The following GRM8 variants were observed in gnomAD, a reference collection of about 807,000 sequenced individuals.
The protein encoded by GRM8 is glutamate metabotropic receptor 8.
Under a neutral mutation model 87.2 loss-of-function variants are expected in GRM8, and 47 were observed. The ratio of observed to expected loss-of-function variants is 0.54; its 90% CI spans 0.43 to 0.69. GRM8 has a LOEUF of 0.69. Among genes scored for constraint, GRM8 ranks in the 30% least tolerant of loss-of-function variants. The probability of loss-of-function intolerance (pLI) is 0.00; values close to 1 mark genes in which losing one functional copy is unlikely to be tolerated. For synonymous variants in GRM8, 396 were observed against 404.5 expected (o/e 0.98, Z 0.25); for missense variants, 1,019 against 1,139.2 (o/e 0.89, Z 1.52).
chr7:127,113,865 T>C (rs1452498003), intron 2 of GRM8, among the ~76,000 whole-genome samples: 1 of 152,208 alleles, frequency 6.6e-6, no homozygotes, highest in Non-Finnish European at 1.5e-5. Flanking sequence ...AAAACATCAG[T>C]ATATAATCAG....
intron 6 of GRM8, among the ~76,000 whole-genome samples, chr7:126,789,295 C>T (rs912695683): frequency 1.3e-5 from 2 of 148,468 alleles, no homozygotes; most frequent in African/African-American, 2.6e-5. Context: ...GAAAGAACAA[C>T]AAAGGCATTT....
At chr7:126,449,882 C>G (rs1293728135) in intron 9 of GRM8, among the ~76,000 whole-genome samples, 1 of 151,792 alleles carries the variant, frequency 6.6e-6, no homozygotes, top group Non-Finnish European at 1.5e-5. Context: ...TACTAACACC[C>G]AGAGGATGGG....
rs1018546389 is a variant in GRM8 at position 126,537,783 on chromosome 7, C to A, written c.1495-3896G>T. 2.2e-4 allele frequency among the ~76,000 whole-genome samples: 34 copies of A among 151,278 alleles called. 1 individual carries two copies. Among genetic ancestry groups the A allele is most frequent in the Middle Eastern group, 6.8e-3 (2 of 294 alleles). ...CAGAGCGAGACTCCGTCAAAAAAAA[C>A]AAACAAACAAACAAACAAAAAAAAC... On this transcript the variant is annotated intron_variant, in intron 8 of 10. Transcript: ENST00000339582.
At chr7:126,683,495 A>G (rs1177650179) in intron 7 of GRM8, among the ~76,000 whole-genome samples, 1 of 152,208 alleles carries the variant, frequency 6.6e-6, no homozygotes, top group Non-Finnish European at 1.5e-5. Flanking sequence ...AAAGTGCAAA[A>G]GTATTTCAGA....
intron 3 of GRM8, among the ~76,000 whole-genome samples, chr7:127,031,051 C>A (rs915964105): frequency 6.6e-6 from 1 of 152,090 alleles, no homozygotes; most frequent in African/African-American, 2.4e-5. Flanking sequence ...AGGTTTGGGG[C>A]ATTTGTTATA....
chr7:127,144,508 C>A (rs1828447847), intron 2 of GRM8, among the ~76,000 whole-genome samples: 1 of 151,998 alleles, frequency 6.6e-6, no homozygotes, highest in African/African-American at 2.4e-5. Context: ...TGTTTATTTA[C>A]TAAAAAGAGG....
At chr7:126,948,255 CAG>C (rs1807759440) in intron 3 of GRM8, among the ~76,000 whole-genome samples, 1 of 151,892 alleles carries the variant, frequency 6.6e-6, no homozygotes, top group Admixed American at 6.6e-5. Context: ...CATGAAGAGA[CAG>C]GGAATTTTTC....
intron 3 of GRM8, among the ~76,000 whole-genome samples, chr7:126,944,473 C>T (rs1807311267): frequency 6.6e-6 from 1 of 152,114 alleles, no homozygotes; most frequent in South Asian, 2.1e-4. Flanking sequence ...GATTGGGAAA[C>T]CCCCAACGCA....
At chr7:126,660,633 T>C (rs990682965) in intron 7 of GRM8, among the ~76,000 whole-genome samples, 2 of 152,238 alleles carry the variant, frequency 1.3e-5, no homozygotes, top group Non-Finnish European at 2.9e-5. Context: ...ATAAGTCTAC[T>C]ACAATATTAA....
chr7:127,116,037 G>T (rs2133154459), intron 2 of GRM8, among the ~76,000 whole-genome samples: 1 of 152,276 alleles, frequency 6.6e-6, no homozygotes, highest in Admixed American at 6.5e-5. Context: ...GATCACTTGA[G>T]CCCAGGAATT....
chr7:126,612,572 C>T (rs145015329), intron 7 of GRM8, among the ~76,000 whole-genome samples: 1 of 152,200 alleles, frequency 6.6e-6, no homozygotes, highest in Non-Finnish European at 1.5e-5. Context: ...CACAGACTTA[C>T]TATCCATTCT....
chr7:126,678,507 A>C (rs564984185), intron 7 of GRM8, among the ~76,000 whole-genome samples: 1 of 152,340 alleles, frequency 6.6e-6, no homozygotes, highest in East Asian at 1.9e-4. Flanking sequence ...AAGGAGAGGA[A>C]AAATTACAAT....
At chr7:127,051,044 GATTT>G (rs1167124654) in intron 3 of GRM8, among the ~76,000 whole-genome samples, 2 of 151,996 alleles carry the variant, frequency 1.3e-5, no homozygotes, top group Middle Eastern at 3.2e-3. Flanking sequence ...TTATATTCCA[GATTT>G]ATTATATGAT....
chr7:127,185,721 A>G (rs1263865152), intron 2 of GRM8, among the ~76,000 whole-genome samples: 1 of 152,162 alleles, frequency 6.6e-6, no homozygotes, highest in African/African-American at 2.4e-5. Flanking sequence ...AACTTGTTGC[A>G]TTTGGGAGAT....
chr7:126,676,242 G>A (rs1385735047), intron 7 of GRM8, among the ~76,000 whole-genome samples: 3 of 152,096 alleles, frequency 2.0e-5, no homozygotes, highest in Admixed American at 6.6e-5. Flanking sequence ...CAAACACATG[G>A]AAAAACATCC....
chr7:126,889,879 A>G (rs1465382833), intron 6 of GRM8, among the ~76,000 whole-genome samples: 2 of 152,104 alleles, frequency 1.3e-5, no homozygotes, highest in East Asian at 3.9e-4. Context: ...ATTTCCACTT[A>G]TATTTAATAC....
At chr7:127,013,849 A>T (rs1194698957) in intron 3 of GRM8, among the ~76,000 whole-genome samples, 1 of 152,210 alleles carries the variant, frequency 6.6e-6, no homozygotes, top group Non-Finnish European at 1.5e-5. Flanking sequence ...CTGCAAGTTC[A>T]GCAACATGCA....
intron 6 of GRM8, among the ~76,000 whole-genome samples, chr7:126,818,656 T>G (rs1794008808): frequency 6.6e-6 from 1 of 152,224 alleles, no homozygotes; most frequent in Non-Finnish European, 1.5e-5. Context: ...ACCACATCAC[T>G]CTTACCAGAA....
At chr7:126,549,139 T>A (rs1229891174) in intron 8 of GRM8, among the ~76,000 whole-genome samples, 2 of 151,962 alleles carry the variant, frequency 1.3e-5, no homozygotes, top group Admixed American at 6.6e-5. Context: ...ATGGAAAATA[T>A]AATGGAAAAT....
Sources: gnomAD v4.1 joint callset for allele counts (sites outside exome capture counted in the v4.1 genomes callset) on GRCh38, gnomAD v4.1.1 for gene constraint, MANE v1.5 for transcripts, NCBI Gene and HGNC (gene_info 2026-07-23, HGNC 2026-07-21) for gene names.